Variants in CADM2 observed in about 807,000 individuals in gnomAD.
CADM2 encodes the protein immunoglobulin superfamily member 4D.
In CADM2, 12 loss-of-function variants were observed where a neutral mutation model predicts 49.8. The observed-to-expected ratio is 0.24, with a 90% CI of 0.15 to 0.39. The LOEUF (loss-of-function observed/expected upper bound fraction) is 0.39, where lower values mean the gene tolerates loss of function less well. Ranked by LOEUF, CADM2 falls within the 10% of genes least tolerant of loss-of-function variation. The pLI is 1.00. For synonymous variants in CADM2, 214 were observed against 175.4 expected (o/e 1.22, Z -1.74); for missense variants, 378 against 492.3 (o/e 0.77, Z 2.20).
At chr3:85,372,396 T>C (rs1246944868) in intron 1 of CADM2, among the ~76,000 whole-genome samples, 1 of 142,106 alleles carries the variant, frequency 7.0e-6, no homozygotes, top group East Asian at 2.1e-4. Context: ...TATATAGATA[T>C]ATGTATATGT....
At chr3:85,953,782 T>C (rs1723728116) in intron 7 of CADM2, among the ~76,000 whole-genome samples, 2 of 149,022 alleles carry the variant, frequency 1.3e-5, no homozygotes, top group African/African-American at 5.1e-5. Flanking sequence ...TTTGATAATT[T>C]CATGCATTTA....
chr3:85,761,811 G>T (rs2069398169), intron 2 of CADM2, among the ~76,000 whole-genome samples: 1 of 152,168 alleles, frequency 6.6e-6, no homozygotes, highest in Non-Finnish European at 1.5e-5. Context: ...CAGGCTTAGA[G>T]TGCTTATGAA....
intron 1 of CADM2, among the ~76,000 whole-genome samples, chr3:85,306,244 T>G (rs1170547139): frequency 6.6e-6 from 1 of 151,736 alleles, no homozygotes; most frequent in Non-Finnish European, 1.5e-5. Context: ...GTGTTTTGCT[T>G]TGCTGGATTT....
chr3:85,204,621 A>G (rs973904716), intron 1 of CADM2, among the ~76,000 whole-genome samples: 2 of 152,188 alleles, frequency 1.3e-5, no homozygotes, highest in African/African-American at 2.4e-5. Flanking sequence ...AACATTAAAA[A>G]AATTTCCATC....
rs923638556 is a variant in CADM2 at position 85,911,152 on chromosome 3, A to G, written c.530-1221A>G. On this transcript the variant is annotated intron_variant, in intron 5 of 9. Coordinates refer to ENST00000383699, the MANE Select transcript of CADM2 (RefSeq NM_001167675.2). ...ATTTGATACTGAATGATGTAAAAAA[A>G]TGACAGAAAGCAAGAAAACTGAATA... Among the ~76,000 whole-genome samples, 3 of 152,160 alleles carry G rather than the reference A, an allele frequency of 2.0e-5. No homozygotes were observed. In the South Asian group the frequency reaches 6.2e-4, roughly 31 times the overall value.
chr3:85,673,387 G>T (rs541032084), intron 1 of CADM2, among the ~76,000 whole-genome samples: 37 of 151,940 alleles, frequency 2.4e-4, no homozygotes, highest in African/African-American at 8.9e-4. Context: ...GTCTCCAGGG[G>T]CTTACTAATT....
chr3:85,184,214 C>A (rs2041001183), intron 1 of CADM2, among the ~76,000 whole-genome samples: 1 of 151,916 alleles, frequency 6.6e-6, no homozygotes, highest in African/African-American at 2.4e-5. Flanking sequence ...ATTATGTGAC[C>A]TTTGATACAA....
rs1491345269 is a variant in CADM2 at position 85,568,443 on chromosome 3, CTT to C, written c.62-158077_62-158076del. Among the ~76,000 whole-genome samples, 270 of 34,792 alleles carry C rather than the reference CTT, an allele frequency of 7.8e-3. 21 individuals carry two copies. The highest frequency in any genetic ancestry group is 0.021 in the African/African-American group (220 of 10,544). The allele number at this position is 34,792 out of a possible 152,430, so 22.8% of individuals were successfully genotyped here. A position where few individuals can be genotyped will look rare whatever the true frequency, so the allele number is the denominator to read the frequency against. On this transcript the variant is annotated intron_variant, in intron 1 of 9. Transcript: ENST00000383699. Reference sequence around the variant, plus strand: ...TCTTTCTTTCTTTCTTTCTTTCTTTCTTTCTTTCTTTCTTTCTTTCTCTTTCT... The same window carrying C: ...TCTTTCTTTCTTTCTTTCTTTCTTTCTCTTTCTTTCTTTCTTTCTCTTTCT...
intron 5 of CADM2, among the ~76,000 whole-genome samples, chr3:85,900,068 G>A (rs894904130): frequency 4.6e-5 from 7 of 152,068 alleles, no homozygotes; most frequent in African/African-American, 1.4e-4. Flanking sequence ...GCAACGCATC[G>A]TGTAAAATCT....
intron 8 of CADM2, among the ~76,000 whole-genome samples, chr3:86,048,056 G>A (rs902943412): frequency 3.3e-5 from 5 of 152,038 alleles, no homozygotes; most frequent in African/African-American, 1.2e-4. Context: ...GTATTAATAT[G>A]TATAAAAAAC....
At chr3:85,179,413 G>C (rs77159288) in intron 1 of CADM2, among the ~76,000 whole-genome samples, 15,097 of 151,990 alleles carry the variant, frequency 0.099, 940 homozygotes, top group African/African-American at 0.17. Flanking sequence ...GATAACAACT[G>C]TCTGGCTCTT....
chr3:85,755,974 A>C (rs577902712), intron 2 of CADM2, among the ~76,000 whole-genome samples: 16 of 152,264 alleles, frequency 1.1e-4, no homozygotes, highest in Admixed American at 7.8e-4. Context: ...TGAAAGTTCC[A>C]AACCTCTAAT....
intron 1 of CADM2, among the ~76,000 whole-genome samples, chr3:85,103,984 G>A (rs977745679): frequency 2.6e-5 from 4 of 152,296 alleles, no homozygotes; most frequent in African/African-American, 7.2e-5. Flanking sequence ...TTTAGAAAAA[G>A]TGAGATGTAA....
intron 1 of CADM2, among the ~76,000 whole-genome samples, chr3:85,699,337 G>T (rs75811909): frequency 0.026 from 3,947 of 152,284 alleles, 187 homozygotes; most frequent in East Asian, 0.19. Flanking sequence ...ACTAGATAGT[G>T]CCATAATGGG....
intron 1 of CADM2, among the ~76,000 whole-genome samples, chr3:85,672,191 C>CTTTT (rs5850710): frequency 2.4e-5 from 3 of 124,322 alleles, no homozygotes; most frequent in Non-Finnish European, 5.0e-5. Context: ...TCTAGGATGT[C>CTTTT]TTTTTTTTTT....
intron 8 of CADM2, among the ~76,000 whole-genome samples, chr3:86,047,838 T>A (rs1039598162): frequency 1.3e-5 from 2 of 152,142 alleles, no homozygotes; most frequent in African/African-American, 4.8e-5. Context: ...CTTAGACAAC[T>A]TCTACAATTA....
intron 8 of CADM2, among the ~76,000 whole-genome samples, chr3:86,064,533 T>C (rs1003525372): frequency 2.6e-5 from 4 of 152,192 alleles, no homozygotes; most frequent in African/African-American, 9.7e-5. Context: ...CACGTGTCTT[T>C]ATAGCAGCAT....
In CADM2 at chr3:86,071,155, T is replaced by G. The variant is rs1245090448; in HGVS notation, c.*4372T>G. 1 of 151,908 alleles carries G rather than the reference T, an allele frequency of 6.6e-6. No individual in the cohort carries two copies. Among genetic ancestry groups the G allele is most frequent in the Non-Finnish European group, 1.5e-5 (1 of 67,806 alleles). The allele number at this position is 151,908 out of a possible 1,614,324, so 9.4% of individuals were successfully genotyped here. A position where few individuals can be genotyped will look rare whatever the true frequency, so the allele number is the denominator to read the frequency against. ...AATAACCTGAGTTTTAAATTTCGAT[T>G]CATATCTCATTGAATTGGGAATTCT... On this transcript the variant is annotated 3_prime_UTR_variant, in exon 10 of 10. Coordinates refer to ENST00000383699, the MANE Select transcript of CADM2 (RefSeq NM_001167675.2).
chr3:85,456,665 G>C lies in CADM2; in HGVS notation c.62-269857G>C, dbSNP rs912261077. Among the ~76,000 whole-genome samples, 6 of 151,412 alleles carry C rather than the reference G, an allele frequency of 4.0e-5. No individual in the cohort carries two copies. In the East Asian group the frequency reaches 1.2e-3, roughly 29 times the overall value. On this transcript the variant is annotated intron_variant, in intron 1 of 9. Coordinates refer to ENST00000383699, the MANE Select transcript of CADM2 (RefSeq NM_001167675.2). ...CTCAAATATAAATAAATTTTACTTT[G>C]GTTTCTAATATCAATTTCAGATGAC...
Sources: allele counts gnomAD v4.1 joint callset (sites outside exome capture counted in the v4.1 genomes callset), GRCh38; gene constraint gnomAD v4.1.1; transcripts MANE v1.5; gene names NCBI Gene and HGNC (gene_info 2026-07-23, HGNC 2026-07-21).